The following EDNRB variants were observed in gnomAD, a reference collection of about 807,000 sequenced individuals.
EDNRB encodes the protein Hirschsprung disease 2.
EDNRB carries 18 observed loss-of-function variants against 46.4 expected under a neutral mutation model. That is an observed-to-expected ratio of 0.39 (90% CI 0.27 to 0.57). The LOEUF is 0.57. Among genes scored for constraint, EDNRB ranks in the 20% least tolerant of loss-of-function variants. The probability of loss-of-function intolerance (pLI) is 0.61; values close to 1 mark genes in which losing one functional copy is unlikely to be tolerated. For missense variants in EDNRB, 434 were observed against 537.5 expected (o/e 0.81, Z 1.90); for synonymous variants, 213 against 204.9 (o/e 1.04, Z -0.34).
At chr13:77,909,129 G>A (rs552477889) in intron 1 of EDNRB, among the ~76,000 whole-genome samples, 2 of 151,882 alleles carry the variant, frequency 1.3e-5, no homozygotes, top group Non-Finnish European at 2.9e-5. Context: ...ACACTAGATT[G>A]AAAAAAGGTG....
intron 1 of EDNRB, among the ~76,000 whole-genome samples, chr13:77,910,300 A>G (rs1371511103): frequency 2.6e-5 from 4 of 152,028 alleles, no homozygotes; most frequent in Admixed American, 1.3e-4. Flanking sequence ...ATGTTTTCAC[A>G]GTAAGAGTCA....
At chr13:77,971,648 T>C (rs1016933715) in intron 1 of EDNRB, among the ~76,000 whole-genome samples, 1 of 151,962 alleles carries the variant, frequency 6.6e-6, no homozygotes, top group African/African-American at 2.4e-5. Context: ...GTGTAGTTTA[T>C]CTAATCTACA....
chr13:77,918,944 G>C (rs1041254851), upstream of EDNRB: 12 of 1,145,240 alleles, frequency 1.0e-5, no homozygotes, highest in Non-Finnish European at 1.3e-5. The surrounding 1 kb of genome is among the most constrained non-coding windows in gnomAD (Gnocchi z 4.5). Context: ...ACTCTTTCAC[G>C]TAACGGGAGG....
chr13:77,898,374 T>C (rs1878747987), intron 6 of EDNRB, 40 bp from the exon 7 acceptor site: 2 of 1,609,208 alleles, frequency 1.2e-6, no homozygotes, highest in Non-Finnish European at 1.7e-6. Flanking sequence ...TTAACATCAG[T>C]CACCTTTCCC....
In EDNRB at chr13:77,918,668, T is replaced by C. The variant is rs1879948733; in HGVS notation, c.-95A>G. The C allele has an allele frequency of 2.7e-6, 4 of 1,457,350 alleles. No individual in the cohort carries two copies. The allele number at this position is 1,457,350 out of a possible 1,614,324, so 90.3% of individuals were successfully genotyped here. A position where few individuals can be genotyped will look rare whatever the true frequency, so the allele number is the denominator to read the frequency against. On this transcript the variant is annotated 5_prime_UTR_variant, in exon 1 of 7. Transcript: ENST00000646607. The surrounding 1 kb of genome is among the most constrained non-coding windows in gnomAD (Gnocchi z 4.5). ...AGGAAGACAGGACACTTGGGTCAGC[T>C]GCCCGAGCCAAGTCGCTGCAAACGC...
At chr13:77,936,382 GT>G (rs1457745342) in intron 1 of EDNRB, among the ~76,000 whole-genome samples, 4 of 152,160 alleles carry the variant, frequency 2.6e-5, no homozygotes, top group Non-Finnish European at 1.5e-5. Context: ...GAGTTGGGGA[GT>G]TTTAAGAGGT....
chr13:77,918,794 C>A lies in EDNRB; in HGVS notation c.-221G>T. 7.6e-7 allele frequency: 1 copy of A among 1,316,750 alleles called. No homozygotes were observed. The allele number at this position is 1,316,750 out of a possible 1,614,324, so 81.6% of individuals were successfully genotyped here. ...GCGCTCATGACTCGCCAGCGCGGGT[C>A]GAAACTCCTTCCTGATGCCCTCTCA... On this transcript the variant is annotated 5_prime_UTR_variant, in exon 1 of 7. Transcript: ENST00000646607. The surrounding 1 kb of genome is among the most constrained non-coding windows in gnomAD (Gnocchi z 4.5).
Position 77,896,690 on chromosome 13 carries a change from T to C in EDNRB, c.*1510A>G. ...TTTGCTGGAACAAAATCAGGACCTTTTGCATTGATGTGACGAGGCAATGAC... is the reference window on the plus strand; with the variant it reads ...TTTGCTGGAACAAAATCAGGACCTTCTGCATTGATGTGACGAGGCAATGAC... On this transcript the variant is annotated 3_prime_UTR_variant, in exon 7 of 7. Transcript: ENST00000646607. 2 of 1,448,832 alleles carry C rather than the reference T, an allele frequency of 1.4e-6. No homozygotes were observed. Among genetic ancestry groups the C allele is most frequent in the Non-Finnish European group, 1.8e-6 (2 of 1,106,632 alleles). 89.7% of individuals were successfully genotyped at this position (1,448,832 alleles called of 1,614,324 possible).
At chr13:77,919,799 A>T, upstream of EDNRB, 1 of 596,896 alleles carries the variant, frequency 1.7e-6, no homozygotes, top group South Asian at 2.3e-5. Flanking sequence ...CTTCAAATGA[A>T]CCCAAATCAA....
At chr13:77,965,820 C>A (rs1249227398) in intron 1 of EDNRB, among the ~76,000 whole-genome samples, 1 of 151,924 alleles carries the variant, frequency 6.6e-6, no homozygotes. Context: ...GTAAGGCAGC[C>A]TATAGTAGAG....
At chr13:77,951,176 A>T (rs1881079070) in intron 1 of EDNRB, among the ~76,000 whole-genome samples, 1 of 152,226 alleles carries the variant, frequency 6.6e-6, no homozygotes, top group Non-Finnish European at 1.5e-5. Flanking sequence ...CAGAGCAAGC[A>T]GGTTTTGGGC....
intron 1 of EDNRB, among the ~76,000 whole-genome samples, chr13:77,917,368 C>T (rs1171785960): frequency 4.6e-5 from 7 of 152,230 alleles, no homozygotes; most frequent in African/African-American, 1.7e-4. Flanking sequence ...CAGTCCGTCA[C>T]AGCAGGTGAA....
intron 1 of EDNRB, among the ~76,000 whole-genome samples, chr13:77,929,798 T>G (rs555864099): frequency 6.6e-6 from 1 of 152,296 alleles, no homozygotes; most frequent in African/African-American, 2.4e-5. Context: ...TGCAAATCAT[T>G]TTACCTCGAT....
intron 1 of EDNRB, among the ~76,000 whole-genome samples, chr13:77,938,369 A>T (rs1880630784): frequency 6.7e-6 from 1 of 150,026 alleles, no homozygotes; most frequent in South Asian, 2.1e-4. Flanking sequence ...GAAATTAGGG[A>T]TTGGGGGGTT....
At chr13:77,918,862 T>G (rs919619836), upstream of EDNRB, 1 of 1,273,644 alleles carries the variant, frequency 7.9e-7, no homozygotes, top group East Asian at 3.0e-5. This position sits in a 1 kb window ranked among gnomAD's most constrained non-coding sequence, Gnocchi z 4.5. Flanking sequence ...GTAAATAATA[T>G]GCAGTGGGGC....
intron 1 of EDNRB, among the ~76,000 whole-genome samples, chr13:77,934,692 C>G (rs547311992): frequency 5.7e-4 from 81 of 141,862 alleles, no homozygotes; most frequent in African/African-American, 1.9e-3. Flanking sequence ...GGGGGGGGGG[C>G]CTGAATAGTC....
intron 1 of EDNRB, among the ~76,000 whole-genome samples, chr13:77,935,270 G>A (rs1156577977): frequency 6.6e-6 from 1 of 152,172 alleles, no homozygotes; most frequent in East Asian, 1.9e-4. Flanking sequence ...AAGGCTACAG[G>A]GCGCAGTCCC....
intron 1 of EDNRB, among the ~76,000 whole-genome samples, chr13:77,950,998 C>T (rs1881075116): frequency 6.6e-6 from 1 of 152,144 alleles, no homozygotes; most frequent in African/African-American, 2.4e-5. Flanking sequence ...GTTTTTAAGG[C>T]CAGCTACATT....
intron 1 of EDNRB, among the ~76,000 whole-genome samples, chr13:77,913,782 T>C (rs1039690978): frequency 6.6e-6 from 1 of 152,154 alleles, no homozygotes; most frequent in Non-Finnish European, 1.5e-5. Context: ...TACCCGGCTG[T>C]CTTGCTTTTT....
Sources: gnomAD v4.1 joint callset for allele counts (sites outside exome capture counted in the v4.1 genomes callset) on GRCh38, gnomAD v4.1.1 for gene constraint, Gnocchi (gnomAD v3.1) non-coding constraint, MANE v1.5 for transcripts, NCBI Gene and HGNC (gene_info 2026-07-23, HGNC 2026-07-21) for gene names.